The following KLHDC10 variants were observed in gnomAD, a reference collection of about 807,000 sequenced individuals.
KLHDC10 encodes kelch domain-containing protein 10.
In KLHDC10, 24 loss-of-function variants were observed where a neutral mutation model predicts 56.1. The ratio of observed to expected loss-of-function variants is 0.43; its 90% CI spans 0.31 to 0.60. The LOEUF (loss-of-function observed/expected upper bound fraction) is 0.60. KLHDC10 is among the 20% of genes least tolerant of loss of function. The pLI, the probability that KLHDC10 is intolerant of heterozygous loss-of-function variation, is 0.11. For synonymous variants in KLHDC10, 188 were observed against 207.1 expected (o/e 0.91, Z 0.79); for missense variants, 349 against 567.0 (o/e 0.62, Z 3.91).
In KLHDC10 at chr7:130,130,112, T is replaced by G. The variant is rs1014572239; in HGVS notation, c.1120-425T>G. Among the ~76,000 whole-genome samples, 9 of 152,000 alleles carry G rather than the reference T, an allele frequency of 5.9e-5. No homozygotes were observed. The highest frequency in any genetic ancestry group is 1.3e-4 in the Non-Finnish European group (9 of 67,964). ...TGGGCGGATCACGAGGTCAGGAGAT[T>G]GAGACCATCCTGGCTAACACGGATG... On this transcript the variant is annotated intron_variant, in intron 9 of 9. Coordinates refer to ENST00000335420, the MANE Select transcript of KLHDC10 (RefSeq NM_014997.4). This position sits in a 1 kb window ranked among gnomAD's most constrained non-coding sequence, Gnocchi z 4.2.
At position 130,134,576 on chromosome 7, in the gene KLHDC10, A is replaced by G. The variant is rs147006109; in HGVS notation, c.*3830A>G. The G allele has an allele frequency of 4.7e-3, 710 of 152,302 alleles. 2 individuals are homozygous for G. The highest frequency in any genetic ancestry group is 0.016 in the African/African-American group (662 of 41,554). 9.4% of individuals were successfully genotyped at this position (152,302 alleles called of 1,614,324 possible). On this transcript the variant is annotated 3_prime_UTR_variant, in exon 10 of 10. Coordinates refer to ENST00000335420, the MANE Select transcript of KLHDC10 (RefSeq NM_014997.4). ...TTTCCAATCACACAGCTTGGCATGT[A>G]GGAAAGGTTGAATGATCCTCTAAGA...
Position 130,130,478 on chromosome 7 carries a change from G to A in KLHDC10, c.1120-59G>A. Reference sequence around the variant, plus strand: ...ATCTACTATGCTTTTTCCCCACTGAGTCTTCAGCCTTGTATGTTTCTCTCC... The same window carrying A: ...ATCTACTATGCTTTTTCCCCACTGAATCTTCAGCCTTGTATGTTTCTCTCC... On this transcript the variant is annotated intron_variant, in intron 9 of 9. Coordinates refer to ENST00000335420, the MANE Select transcript of KLHDC10 (RefSeq NM_014997.4). This position sits in a 1 kb window ranked among gnomAD's most constrained non-coding sequence, Gnocchi z 4.2. 1 of 1,377,844 alleles carries A rather than the reference G, an allele frequency of 7.3e-7. No individual in the cohort carries two copies. The highest frequency in any genetic ancestry group is 1.0e-6 in the Non-Finnish European group (1 of 966,904). 85.4% of individuals were successfully genotyped at this position (1,377,844 alleles called of 1,614,324 possible).
chr7:130,087,073 C>T (rs949040799), intron 1 of KLHDC10, among the ~76,000 whole-genome samples: 2 of 152,152 alleles, frequency 1.3e-5, no homozygotes, highest in Admixed American at 6.5e-5. Flanking sequence ...AAACCTTGTC[C>T]AAGGACATAC....
chr7:130,089,419 C>T (rs1423939478), intron 1 of KLHDC10, among the ~76,000 whole-genome samples: 1 of 152,048 alleles, frequency 6.6e-6, no homozygotes, highest in Non-Finnish European at 1.5e-5. Context: ...ATAGCTAGAC[C>T]CTGTGTCTAC....
At chr7:130,108,054 A>G (rs1175919644) in intron 2 of KLHDC10, among the ~76,000 whole-genome samples, 1 of 150,980 alleles carries the variant, frequency 6.6e-6, no homozygotes, top group Non-Finnish European at 1.5e-5. Context: ...CGGGAAAAAA[A>G]AAACAAAAAA....
rs553367650 is a variant in KLHDC10 at position 130,112,355 on chromosome 7, A to G, written c.254-4090A>G. On this transcript the variant is annotated intron_variant, in intron 2 of 9. Transcript: ENST00000335420. ...AGAGGATGGGTCCCACATCACAGGGACATAATCCTTTAGCTTCATGTTCCC... is the reference window on the plus strand; with the variant it reads ...AGAGGATGGGTCCCACATCACAGGGGCATAATCCTTTAGCTTCATGTTCCC... Among the ~76,000 whole-genome samples, 4 of 152,340 alleles carry G rather than the reference A, an allele frequency of 2.6e-5. No homozygotes were observed. The East Asian group carries it at 7.7e-4, about 29-fold the overall frequency.
intron 1 of KLHDC10, among the ~76,000 whole-genome samples, chr7:130,089,915 CTT>C (rs1417660197): frequency 6.6e-6 from 1 of 150,486 alleles, no homozygotes; most frequent in East Asian, 2.0e-4. Flanking sequence ...GAGTTTCGCT[CTT>C]GTTGCCCAGG....
intron 2 of KLHDC10, among the ~76,000 whole-genome samples, chr7:130,105,957 C>G (rs1222383024): frequency 6.6e-6 from 1 of 152,046 alleles, no homozygotes; most frequent in Non-Finnish European, 1.5e-5. Context: ...TGAGAGTAGC[C>G]TGACCAACAT....
intron 1 of KLHDC10, among the ~76,000 whole-genome samples, chr7:130,075,013 T>G (rs536453288): frequency 2.6e-5 from 4 of 152,212 alleles, no homozygotes; most frequent in Non-Finnish European, 5.9e-5. Flanking sequence ...GCCTTTCTCC[T>G]GTTTTCTGAA....
chr7:130,112,446 C>T (rs1490371388), intron 2 of KLHDC10, among the ~76,000 whole-genome samples: 2 of 152,136 alleles, frequency 1.3e-5, no homozygotes, highest in Admixed American at 6.5e-5. Context: ...TTACATTTCC[C>T]ACTGGGAGTT....
intron 4 of KLHDC10, 53 bp from the exon 5 acceptor site, chr7:130,122,001 T>G: frequency 6.5e-7 from 1 of 1,536,124 alleles, no homozygotes; most frequent in Non-Finnish European, 8.8e-7. Context: ...AAGTTTACAT[T>G]CTTTAATCAA....
At chr7:130,077,555 C>CTTTTTTTTTTTT (rs1374918216) in intron 1 of KLHDC10, among the ~76,000 whole-genome samples, 3 of 108,102 alleles carry the variant, frequency 2.8e-5, no homozygotes, top group Non-Finnish European at 5.6e-5. Flanking sequence ...CTTTTTCTTT[C>CTTTTTTTTTTTT]TTTTTTTTTT....
intron 1 of KLHDC10, among the ~76,000 whole-genome samples, chr7:130,076,120 A>G (rs773146838): frequency 2.0e-5 from 3 of 152,058 alleles, no homozygotes; most frequent in Non-Finnish European, 2.9e-5. Context: ...AGAGACTCAA[A>G]AGGAGTGCAC....
At position 130,131,582 on chromosome 7, in the gene KLHDC10, GT is replaced by G. The variant is rs1313731574; in HGVS notation, c.*840del. Reference sequence around the variant, plus strand: ...TGAAACTCTCTTATGCTTATTAATGGTTTTAAATATCTCTTTGACTTCTTCA... The same window carrying G: ...TGAAACTCTCTTATGCTTATTAATGGTTTAAATATCTCTTTGACTTCTTCA... On this transcript the variant is annotated 3_prime_UTR_variant, in exon 10 of 10. Coordinates refer to ENST00000335420, the MANE Select transcript of KLHDC10 (RefSeq NM_014997.4). 1 of 152,188 alleles carries G rather than the reference GT, an allele frequency of 6.6e-6. No homozygotes were observed. Among genetic ancestry groups the G allele is most frequent in the Non-Finnish European group, 1.5e-5 (1 of 68,032 alleles). 9.4% of individuals were successfully genotyped at this position (152,188 alleles called of 1,614,324 possible).
At chr7:130,104,460 A>C (rs1409818011) in intron 2 of KLHDC10, among the ~76,000 whole-genome samples, 2 of 152,228 alleles carry the variant, frequency 1.3e-5, no homozygotes, top group African/African-American at 4.8e-5. Flanking sequence ...CAGGATCCTT[A>C]CTGCAAGCAT....
At chr7:130,127,528 C>T in intron 8 of KLHDC10, 77 bp downstream of exon 8, 1 of 1,053,580 alleles carries the variant, frequency 9.5e-7, no homozygotes, top group Non-Finnish European at 1.5e-6. Context: ...CTAAGATAGC[C>T]CCCTCAAAAG....
chr7:130,107,701 G>T (rs140731236), intron 2 of KLHDC10, among the ~76,000 whole-genome samples: 54 of 151,674 alleles, frequency 3.6e-4, no homozygotes, highest in African/African-American at 1.3e-3. Context: ...AAAATTAGCC[G>T]GGCGTCGTGG....
chr7:130,125,964 A>G, intron 7 of KLHDC10, 33 bp downstream of exon 7: 2 of 1,402,774 alleles, frequency 1.4e-6, no homozygotes, highest in Non-Finnish European at 2.0e-6. Context: ...TTTATCTTTA[A>G]CAAACATGTA....
chr7:130,082,441 C>A (rs928883793), intron 1 of KLHDC10, among the ~76,000 whole-genome samples: 3 of 152,164 alleles, frequency 2.0e-5, no homozygotes, highest in Non-Finnish European at 4.4e-5. Context: ...ATCAAGTGTT[C>A]ATTTAATACT....
Sources: allele counts gnomAD v4.1 joint callset (sites outside exome capture counted in the v4.1 genomes callset), GRCh38; gene constraint gnomAD v4.1.1; non-coding constraint Gnocchi (gnomAD v3.1); transcripts MANE v1.5; gene names NCBI Gene and HGNC (gene_info 2026-07-23, HGNC 2026-07-21).